Variants in GALNTL6 observed in about 807,000 individuals in gnomAD.
The protein encoded by GALNTL6 is polypeptide N-acetylgalactosaminyltransferase like 6, also known as polypeptide N-acetylgalactosaminyltransferase-like 6.
A neutral mutation model predicts 73.7 loss-of-function variants in GALNTL6; 46 were observed. That is an observed-to-expected ratio of 0.62 (90% CI 0.49 to 0.80). The LOEUF is 0.80. GALNTL6 is among the 30% of genes least tolerant of loss of function. The pLI is 0.00. For synonymous variants in GALNTL6, 259 were observed against 263.7 expected (o/e 0.98, Z 0.17); for missense variants, 604 against 755.0 (o/e 0.80, Z 2.34).
chr4:172,274,717 A>T (rs10021330), intron 3 of GALNTL6, among the ~76,000 whole-genome samples: 79,742 of 152,062 alleles, frequency 0.52, 21,183 homozygotes, highest in African/African-American at 0.62. Context: ...TTTACTGTCA[A>T]TTGCAACAGA....
intron 2 of GALNTL6, among the ~76,000 whole-genome samples, chr4:171,928,350 T>C: frequency 6.6e-6 from 1 of 152,194 alleles, no homozygotes; most frequent in East Asian, 1.9e-4. Context: ...CACTTAACAG[T>C]AACGATGGAG....
chr4:172,864,057 G>A (rs992951654), intron 7 of GALNTL6, among the ~76,000 whole-genome samples: 2 of 152,140 alleles, frequency 1.3e-5, no homozygotes, highest in African/African-American at 2.4e-5. Context: ...CATGTAAGAC[G>A]TGACTTTGCT....
chr4:172,989,010 G>C (rs1751423598), intron 10 of GALNTL6, among the ~76,000 whole-genome samples: 1 of 152,230 alleles, frequency 6.6e-6, no homozygotes, highest in African/African-American at 2.4e-5. Context: ...GGGGAAATGT[G>C]GTGGCAGGGC....
At chr4:172,173,911 G>A (rs1161168794) in intron 2 of GALNTL6, among the ~76,000 whole-genome samples, 1 of 152,186 alleles carries the variant, frequency 6.6e-6, no homozygotes, top group African/African-American at 2.4e-5. Flanking sequence ...GGGAGGGGGT[G>A]CAGACTGTGG....
intron 2 of GALNTL6, among the ~76,000 whole-genome samples, chr4:171,923,389 C>A (rs1737853031): frequency 7.0e-6 from 1 of 143,376 alleles, no homozygotes; most frequent in East Asian, 2.1e-4. Context: ...TTCTGTTGAC[C>A]CTGACTTTGT....
chr4:173,022,030 AGAAG>A (rs750348404), intron 12 of GALNTL6, among the ~76,000 whole-genome samples: 10,518 of 68,880 alleles, frequency 0.15, 977 homozygotes, highest in South Asian at 0.16. Context: ...AAGGAAGGAA[AGAAG>A]GAAGGAAGGA....
intron 2 of GALNTL6, among the ~76,000 whole-genome samples, chr4:171,929,354 G>C (rs368249396): frequency 1.1e-4 from 17 of 152,120 alleles, no homozygotes; most frequent in African/African-American, 3.4e-4. Flanking sequence ...TTTTAGACGT[G>C]AGCCTCCATT....
chr4:172,532,069 C>A (rs376869603), intron 5 of GALNTL6, among the ~76,000 whole-genome samples: 2 of 152,092 alleles, frequency 1.3e-5, no homozygotes, highest in Non-Finnish European at 2.9e-5. Context: ...CCCTTGGAGC[C>A]AGCCATGACC....
chr4:172,575,955 T>C (rs1292426968), intron 5 of GALNTL6, among the ~76,000 whole-genome samples: 1 of 152,218 alleles, frequency 6.6e-6, no homozygotes, highest in African/African-American at 2.4e-5. Context: ...GCAGTGTTGT[T>C]GACTGGAGCT....
intron 5 of GALNTL6, among the ~76,000 whole-genome samples, chr4:172,488,022 G>T (rs1733760989): frequency 6.6e-6 from 1 of 152,092 alleles, no homozygotes; most frequent in African/African-American, 2.4e-5. Context: ...TAATGATAAT[G>T]GTGCATACTA....
intron 5 of GALNTL6, among the ~76,000 whole-genome samples, chr4:172,589,010 A>G (rs1579217797): frequency 6.6e-6 from 1 of 152,250 alleles, no homozygotes; most frequent in East Asian, 1.9e-4. Flanking sequence ...TAACTACATT[A>G]GTCGATTAAA....
In GALNTL6 at chr4:172,691,821, A is replaced by G. The variant is rs114588737; in HGVS notation, c.554-117540A>G. Among the ~76,000 whole-genome samples, 637 of 152,364 alleles carry G rather than the reference A, an allele frequency of 4.2e-3. 3 individuals carry two copies. The highest frequency in any genetic ancestry group is 0.01 in the Middle Eastern group (3 of 294). On this transcript the variant is annotated intron_variant, in intron 5 of 12. Transcript: ENST00000506823. The stretch of plus-strand genomic sequence containing the variant: ...TCTATGATATAGAAACCAGAAAAAG[A>G]CAGAATTATAGCAGAAGCTGAGCAA...
At chr4:172,848,712 A>C (rs1743647717) in intron 7 of GALNTL6, among the ~76,000 whole-genome samples, 1 of 152,202 alleles carries the variant, frequency 6.6e-6, no homozygotes, top group Non-Finnish European at 1.5e-5. Flanking sequence ...AAGGTTCTCC[A>C]ACCTTGTCCT....
intron 5 of GALNTL6, among the ~76,000 whole-genome samples, chr4:172,601,408 G>A (rs925174816): frequency 6.6e-6 from 1 of 152,100 alleles, no homozygotes; most frequent in Non-Finnish European, 1.5e-5. Flanking sequence ...ATACATTAAT[G>A]CCCTCCTGCT....
chr4:172,797,572 G>A (rs912297957), intron 5 of GALNTL6, among the ~76,000 whole-genome samples: 4 of 151,846 alleles, frequency 2.6e-5, no homozygotes, highest in African/African-American at 9.7e-5. Flanking sequence ...TTCTGAGACA[G>A]GGTCTCGCCC....
At chr4:172,708,128 G>GGACT (rs1304390454) in intron 5 of GALNTL6, among the ~76,000 whole-genome samples, 33 of 152,158 alleles carry the variant, frequency 2.2e-4, no homozygotes, top group African/African-American at 8.0e-4. Context: ...TCGACTCACT[G>GGACT]CAACCTCTGC....
intron 5 of GALNTL6, chr4:172,667,582 G>A (rs550254786): frequency 6.6e-6 from 1 of 152,298 alleles, no homozygotes; most frequent in East Asian, 1.9e-4. Context: ...ATCAGCCCAG[G>A]GTTGGTTGTT....
intron 2 of GALNTL6, among the ~76,000 whole-genome samples, chr4:172,093,053 G>GGGGTTTTACATGTTGTAAAGA (rs1732251191): frequency 6.6e-6 from 1 of 151,364 alleles, no homozygotes; most frequent in East Asian, 1.9e-4. Context: ...TTTTGTATTT[G>GGGGTTTTACATGTTGTAAAGA]TGTAAAGATG....
intron 2 of GALNTL6, among the ~76,000 whole-genome samples, chr4:172,149,486 G>A (rs528488519): frequency 3.2e-4 from 48 of 152,086 alleles, no homozygotes; most frequent in African/African-American, 1.1e-3. Flanking sequence ...GCTCCTAGAG[G>A]TGTGTCATTG....
Sources: gnomAD v4.1 joint callset for allele counts (sites outside exome capture counted in the v4.1 genomes callset) on GRCh38, gnomAD v4.1.1 for gene constraint, MANE v1.5 for transcripts, NCBI Gene and HGNC (gene_info 2026-07-23, HGNC 2026-07-21) for gene names.